PTPRT: variants seen among roughly 807,000 people sequenced by gnomAD.
PTPRT encodes receptor-type tyrosine-protein phosphatase T.
Under a neutral mutation model 176.8 loss-of-function variants are expected in PTPRT, and 56 were observed. The ratio of observed to expected loss-of-function variants is 0.32; its 90% CI spans 0.26 to 0.40. The LOEUF (loss-of-function observed/expected upper bound fraction) is 0.40. Ranked by LOEUF, PTPRT falls within the 10% of genes least tolerant of loss-of-function variation. The pLI is 1.00. For synonymous variants in PTPRT, 783 were observed against 739.0 expected (o/e 1.06, Z -0.96); for missense variants, 1,540 against 1,908.2 (o/e 0.81, Z 3.60).
At chr20:43,130,902 A>G (rs2146379550) in intron 1 of PTPRT, among the ~76,000 whole-genome samples, 1 of 152,342 alleles carries the variant, frequency 6.6e-6, no homozygotes, top group East Asian at 1.9e-4. Context: ...GCTCAGAAAC[A>G]AGCCAAAGTA....
rs572001856 is a variant in PTPRT at position 42,786,886 on chromosome 20, G to A, written c.486+4309C>T. Among the ~76,000 whole-genome samples, 49 of 152,208 alleles carry A rather than the reference G, an allele frequency of 3.2e-4. No homozygotes were observed. The Middle Eastern group carries it at 0.01, about 32-fold the overall frequency. On this transcript the variant is annotated intron_variant, in intron 3 of 30. Transcript: ENST00000373187. Reference sequence around the variant, plus strand: ...CTCAGCTTTGCCAATAATTTGTTACGTGTTCTTGGACTTCACTATGCAACT... The same window carrying A: ...CTCAGCTTTGCCAATAATTTGTTACATGTTCTTGGACTTCACTATGCAACT...
chr20:42,383,853 C>A lies in PTPRT; in HGVS notation c.1561-31568G>T, dbSNP rs924972260. Among the ~76,000 whole-genome samples, 6 of 152,092 alleles carry A rather than the reference C, an allele frequency of 3.9e-5. No individual in the cohort carries two copies. In the East Asian group the frequency reaches 1.2e-3, roughly 29 times the overall value. ...GGTGAGTGACGCAGACTTTATGCCC[C>A]ACAAAGAATAATTGAAAGGATTCTC... is the stretch of plus-strand genomic sequence containing the variant. On this transcript the variant is annotated intron_variant, in intron 9 of 30. Transcript: ENST00000373187.
intron 6 of PTPRT, among the ~76,000 whole-genome samples, chr20:42,703,075 G>C (rs921751600): frequency 5.9e-5 from 9 of 152,298 alleles, no homozygotes; most frequent in African/African-American, 1.9e-4. Context: ...TTTAGGGATG[G>C]ACACACGACC....
rs746068615 is a variant in PTPRT, at chr20:42,608,370, G to A, written c.1153+69496C>T. Among the ~76,000 whole-genome samples the A allele has an allele frequency of 5.3e-5, 8 of 152,122 alleles. 1 individual carries two copies. Among genetic ancestry groups the A allele is most frequent in the Non-Finnish European group, 8.8e-5 (6 of 68,028 alleles). On this transcript the variant is annotated intron_variant, in intron 7 of 30. Transcript: ENST00000373187. ...AACCCAGAACGTGATGTAAATACCCGTGCTGTCAAAGCTGCCTCTCTGTTG... is the reference window on the plus strand; with the variant it reads ...AACCCAGAACGTGATGTAAATACCCATGCTGTCAAAGCTGCCTCTCTGTTG...
chr20:43,059,403 A>T (rs1444516280), intron 1 of PTPRT, among the ~76,000 whole-genome samples: 1 of 152,162 alleles, frequency 6.6e-6, no homozygotes, highest in Non-Finnish European at 1.5e-5. Flanking sequence ...GCTTCAGCTA[A>T]ATATCCAATT....
In PTPRT at chr20:42,104,648, C is replaced by A. The variant is rs375317167; in HGVS notation, c.3461G>T (p.Cys1154Phe). Residue 1154 changes from cysteine (C) to phenylalanine (F), a missense_variant, in exon 25 of 31, where the codon TGT becomes TTT. Cys to Phe is a radical substitution (Grantham distance 205, BLOSUM62 -2). This residue lies in a region of PTPRT where 342 missense variants were observed against 394.0 expected (regional missense o/e 0.87). Transcript: ENST00000373187. ...CLCGNTAIPV[C>F]EFRSLYYNIS... Reference sequence around the variant, plus strand: ...ATTGTAGTAGAGAGAACGGAACTCACACACAGGGATGGCAGTGTTGCCACA... The same window carrying A: ...ATTGTAGTAGAGAGAACGGAACTCAAACACAGGGATGGCAGTGTTGCCACA... 1 of 1,601,258 alleles carries A rather than the reference C, an allele frequency of 6.2e-7. No individual in the cohort carries two copies. Among genetic ancestry groups the A allele is most frequent in the Non-Finnish European group, 8.6e-7 (1 of 1,168,436 alleles).
At chr20:43,134,354 G>C (rs1025738474) in intron 1 of PTPRT, among the ~76,000 whole-genome samples, 3 of 152,150 alleles carry the variant, frequency 2.0e-5, no homozygotes, top group Non-Finnish European at 2.9e-5. Context: ...AGTGCTGCTA[G>C]GTCAGTTTAG....
chr20:42,540,688 C>T (rs560470031), intron 7 of PTPRT, among the ~76,000 whole-genome samples: 1 of 151,910 alleles, frequency 6.6e-6, no homozygotes, highest in South Asian at 2.1e-4. Context: ...ATGAAGCAAA[C>T]AAACCATAAA....
chr20:43,045,893 T>C (rs752454948), intron 1 of PTPRT, among the ~76,000 whole-genome samples: 9 of 152,120 alleles, frequency 5.9e-5, no homozygotes, highest in Non-Finnish European at 1.0e-4. Context: ...GGGAACCGAA[T>C]TTAGATTCCA....
At position 42,745,092 on chromosome 20, in the gene PTPRT, G is replaced by C. The variant is rs2076673338; in HGVS notation, c.859+11370C>G. Among the ~76,000 whole-genome samples the C allele has an allele frequency of 1.3e-5, 2 of 152,206 alleles. 1 individual carries two copies. The highest frequency in any genetic ancestry group is 4.8e-5 in the African/African-American group (2 of 41,446). On this transcript the variant is annotated intron_variant, in intron 6 of 30. Coordinates refer to ENST00000373187, the MANE Select transcript of PTPRT (RefSeq NM_007050.6). ...ACCTTTTGCTGTATTTCCCTGGATA[G>C]TTAGTGGGGAAATGGCAGAGGGAAG... is the stretch of plus-strand genomic sequence containing the variant.
Position 42,774,004 on chromosome 20 carries a change from T to C in PTPRT, c.569-2454A>G, listed in dbSNP as rs181863834. On this transcript the variant is annotated intron_variant, in intron 4 of 30. Coordinates refer to ENST00000373187, the MANE Select transcript of PTPRT (RefSeq NM_007050.6). ...TCTTCCTTCTCAGCAACAGACCTTT[T>C]GCCTTGATTCTTTCATCTTCAATTC... 3.3e-5 allele frequency among the ~76,000 whole-genome samples: 5 copies of C among 152,368 alleles called. No homozygotes were observed. The East Asian group carries it at 9.7e-4, about 29-fold the overall frequency.
intron 25 of PTPRT, among the ~76,000 whole-genome samples, chr20:42,102,844 G>A (rs1461290211): frequency 1.3e-5 from 2 of 152,188 alleles, no homozygotes; most frequent in Non-Finnish European, 2.9e-5. Context: ...TGCTGTGTTT[G>A]GACTTTGCCG....
Position 42,845,744 on chromosome 20 carries a change from C to T in PTPRT, c.214+40063G>A, listed in dbSNP as rs1600463996. On this transcript the variant is annotated intron_variant, in intron 2 of 30. Coordinates refer to ENST00000373187, the MANE Select transcript of PTPRT (RefSeq NM_007050.6). ...CTGGAGAAATGGGACATGTATGGAG[C>T]ACTTGGTTAAGGGCAAGCGAGATTA... Among the ~76,000 whole-genome samples, 3 of 152,240 alleles carry T rather than the reference C, an allele frequency of 2.0e-5. No homozygotes were observed. The South Asian group carries it at 6.2e-4, about 32-fold the overall frequency.
intron 6 of PTPRT, among the ~76,000 whole-genome samples, chr20:42,701,979 G>T (rs1211387117): frequency 1.3e-5 from 2 of 152,118 alleles, no homozygotes; most frequent in Non-Finnish European, 2.9e-5. Context: ...ACAGGTAAGA[G>T]TGTGTGCAGC....
chr20:42,645,025 C>G (rs2074856820), intron 7 of PTPRT, among the ~76,000 whole-genome samples: 1 of 152,130 alleles, frequency 6.6e-6, no homozygotes, highest in South Asian at 2.1e-4. Context: ...TATTTTCTCA[C>G]CCCAAGTTAG....
intron 21 of PTPRT, among the ~76,000 whole-genome samples, chr20:42,117,846 G>A (rs1248823129): frequency 6.6e-6 from 1 of 152,128 alleles, no homozygotes; most frequent in African/African-American, 2.4e-5. Context: ...TACTGGGCAT[G>A]TTTGTATGCT....
intron 1 of PTPRT, among the ~76,000 whole-genome samples, chr20:43,122,294 T>C (rs1360687548): frequency 1.3e-5 from 2 of 152,176 alleles, no homozygotes; most frequent in African/African-American, 2.4e-5. Flanking sequence ...ATATAAATGA[T>C]TGATTACTAA....
intron 2 of PTPRT, among the ~76,000 whole-genome samples, chr20:42,870,037 A>T (rs775773493): frequency 1.3e-5 from 2 of 152,170 alleles, no homozygotes; most frequent in Non-Finnish European, 2.9e-5. Context: ...TGGTGCCTTA[A>T]TCTTGGACTT....
At chr20:42,341,936 C>G (rs1192299594) in intron 11 of PTPRT, among the ~76,000 whole-genome samples, 1 of 152,156 alleles carries the variant, frequency 6.6e-6, no homozygotes, top group East Asian at 1.9e-4. Context: ...TAATATAATC[C>G]AGAATCCTAA....
Sources: allele counts gnomAD v4.1 joint callset (sites outside exome capture counted in the v4.1 genomes callset), GRCh38; gene constraint gnomAD v4.1.1; regional missense constraint gnomAD v4.1.1; transcripts MANE v1.5; gene names NCBI Gene and HGNC (gene_info 2026-07-23, HGNC 2026-07-21).